STX8: variants seen among roughly 807,000 people sequenced by gnomAD.
STX8 encodes the protein syntaxin 8.
STX8 carries 23 observed loss-of-function variants against 37.5 expected under a neutral mutation model. The ratio of observed to expected loss-of-function variants is 0.61; its 90% CI spans 0.44 to 0.87. The LOEUF (loss-of-function observed/expected upper bound fraction) is 0.87, where lower values mean the gene tolerates loss of function less well. Among genes scored for constraint, STX8 ranks in the 40% least tolerant of loss-of-function variants. The pLI is 0.00. For missense variants in STX8, 313 were observed against 284.7 expected (o/e 1.10, Z -0.71); for synonymous variants, 115 against 99.1 (o/e 1.16, Z -0.95).
At chr17:9,463,648 C>T (rs1475966561) in intron 6 of STX8, among the ~76,000 whole-genome samples, 2 of 152,152 alleles carry the variant, frequency 1.3e-5, no homozygotes, top group Non-Finnish European at 2.9e-5. Flanking sequence ...TGGCTGATGC[C>T]TGTAATCCCA....
In STX8 at chr17:9,276,878, C is replaced by T. The variant is rs570711849; in HGVS notation, c.644-26233G>A. Among the ~76,000 whole-genome samples, 21 of 151,988 alleles carry T rather than the reference C, an allele frequency of 1.4e-4. 1 individual carries two copies. Among genetic ancestry groups the T allele is most frequent in the African/African-American group, 2.2e-4 (9 of 41,402 alleles). On this transcript the variant is annotated intron_variant, in intron 7 of 7. Coordinates refer to ENST00000306357, the MANE Select transcript of STX8 (RefSeq NM_004853.3). ...GTCTCGAACTCCTGATCTCGTGATC[C>T]GCCCGCCTCGGCCTCCCAAAGTGCT...
intron 4 of STX8, among the ~76,000 whole-genome samples, chr17:9,529,617 G>GT (rs1051895774): frequency 4.6e-5 from 7 of 152,140 alleles, no homozygotes; most frequent in African/African-American, 1.7e-4. Context: ...TTATAACACT[G>GT]TAAGTCTCAC....
At chr17:9,536,709 G>A (rs1287536124) in intron 4 of STX8, among the ~76,000 whole-genome samples, 1 of 151,516 alleles carries the variant, frequency 6.6e-6, no homozygotes, top group African/African-American at 2.4e-5. Flanking sequence ...TCCCCTTCCT[G>A]AGTAAACTCT....
rs574570379 is a variant in STX8 at position 9,478,574 on chromosome 17, A to G, written c.541+13255T>C. The stretch of plus-strand genomic sequence containing the variant: ...TTCCTGACTGAGACTATTGATTGTG[A>G]CTAAAAAAACAAAGTCCTTCCTAGA... On this transcript the variant is annotated intron_variant, in intron 6 of 7. Transcript: ENST00000306357. 3.7e-4 allele frequency among the ~76,000 whole-genome samples: 57 copies of G among 152,278 alleles called. No individual in the cohort carries two copies. The South Asian group carries it at 6.2e-3, about 17-fold the overall frequency.
chr17:9,475,193 G>C (rs1429614887), intron 6 of STX8, among the ~76,000 whole-genome samples: 2 of 152,142 alleles, frequency 1.3e-5, no homozygotes, highest in East Asian at 3.9e-4. Context: ...TAAATCCATG[G>C]TGGCACTGAA....
intron 7 of STX8, among the ~76,000 whole-genome samples, chr17:9,371,014 C>T (rs569685177): frequency 4.6e-5 from 7 of 151,836 alleles, no homozygotes; most frequent in African/African-American, 9.7e-5. Flanking sequence ...ACAAAAATCT[C>T]GGTAAAAATT....
In STX8 at chr17:9,447,145, T is replaced by C. The variant is rs554294157; in HGVS notation, c.541+44684A>G. 5.3e-5 allele frequency among the ~76,000 whole-genome samples: 8 copies of C among 152,326 alleles called. No individual in the cohort carries two copies. In the South Asian group the frequency reaches 1.5e-3, roughly 28 times the overall value. ...TGTCTCAGTAAAGAGGGGTGATTTC[T>C]TTGGGGCCTATATTATATTGGCAGT... is the stretch of plus-strand genomic sequence containing the variant. On this transcript the variant is annotated intron_variant, in intron 6 of 7. Coordinates refer to ENST00000306357, the MANE Select transcript of STX8 (RefSeq NM_004853.3).
intron 7 of STX8, among the ~76,000 whole-genome samples, chr17:9,360,658 A>G (rs1010999156): frequency 2.0e-4 from 25 of 126,326 alleles, no homozygotes; most frequent in African/African-American, 7.6e-4. Flanking sequence ...AATATTTATT[A>G]GTGTTAAAAA....
At chr17:9,345,770 T>A (rs974989508) in intron 7 of STX8, among the ~76,000 whole-genome samples, 9 of 151,018 alleles carry the variant, frequency 6.0e-5, no homozygotes, top group Non-Finnish European at 8.8e-5. Context: ...GTATCCCTTA[T>A]CCAAAATGCT....
intron 7 of STX8, among the ~76,000 whole-genome samples, chr17:9,332,298 CAG>C (rs755038547): frequency 2.0e-5 from 3 of 152,176 alleles, no homozygotes; most frequent in Non-Finnish European, 4.4e-5. Flanking sequence ...GAGAATGACT[CAG>C]AGGCAGAGAT....
intron 7 of STX8, among the ~76,000 whole-genome samples, chr17:9,369,651 G>A (rs1370113807): frequency 2.6e-5 from 4 of 152,064 alleles, no homozygotes; most frequent in Admixed American, 6.5e-5. Context: ...CAGCACTTTG[G>A]GAGGCTGAGG....
At chr17:9,412,047 T>TAAATATTA (rs1202307806) in intron 6 of STX8, among the ~76,000 whole-genome samples, 1 of 152,146 alleles carries the variant, frequency 6.6e-6, no homozygotes. Context: ...ATTATTCAAT[T>TAAATATTA]AAATATTAAA....
chr17:9,490,078 G>A (rs532606440), intron 6 of STX8, among the ~76,000 whole-genome samples: 47 of 152,296 alleles, frequency 3.1e-4, no homozygotes, highest in African/African-American at 4.6e-4. Flanking sequence ...TAGCCTGTTC[G>A]TGTTGGTACC....
Position 9,543,401 on chromosome 17 carries a change from C to T in STX8, c.323+1771G>A, listed in dbSNP as rs190499236. On this transcript the variant is annotated intron_variant, in intron 4 of 7. Coordinates refer to ENST00000306357, the MANE Select transcript of STX8 (RefSeq NM_004853.3). The stretch of plus-strand genomic sequence containing the variant: ...CTCCACCTCCCAGGTTCAAGCAATT[C>T]TCCTGCCTCAGCCTCCTGAGTAGCT... Among the ~76,000 whole-genome samples the T allele has an allele frequency of 1.3e-3, 190 of 151,884 alleles. 1 individual carries two copies. The highest frequency in any genetic ancestry group is 4.4e-3 in the African/African-American group (182 of 41,420).
chr17:9,346,543 T>C (rs1040142851), intron 7 of STX8, among the ~76,000 whole-genome samples: 6 of 152,326 alleles, frequency 3.9e-5, no homozygotes, highest in Middle Eastern at 3.4e-3. Flanking sequence ...GTCACTGTTC[T>C]TGACAAAACT....
At chr17:9,320,332 C>CAAA (rs1167812989) in intron 7 of STX8, among the ~76,000 whole-genome samples, 1 of 83,244 alleles carries the variant, frequency 1.2e-5, no homozygotes, top group Non-Finnish European at 2.7e-5. Flanking sequence ...GACTCCATCT[C>CAAA]AAAAAAAAAA....
intron 6 of STX8, among the ~76,000 whole-genome samples, chr17:9,487,091 A>T (rs983340693): frequency 2.6e-5 from 4 of 152,174 alleles, no homozygotes; most frequent in Non-Finnish European, 5.9e-5. Context: ...GGTCACTGGC[A>T]TAGGAACAGG....
intron 6 of STX8, among the ~76,000 whole-genome samples, chr17:9,452,963 G>A (rs535805337): frequency 1.8e-4 from 28 of 152,012 alleles, no homozygotes; most frequent in African/African-American, 6.3e-4. Flanking sequence ...CCACCACCAC[G>A]CCCAGCTAAT....
chr17:9,554,394 AAG>A (rs1245039014), intron 3 of STX8: 1 of 152,166 alleles, frequency 6.6e-6, no homozygotes, highest in Non-Finnish European at 1.5e-5. Context: ...TTTCTTTGTA[AAG>A]AAGAGAAGGA....
Sources: gnomAD v4.1 joint callset for allele counts (sites outside exome capture counted in the v4.1 genomes callset) on GRCh38, gnomAD v4.1.1 for gene constraint, MANE v1.5 for transcripts, NCBI Gene and HGNC (gene_info 2026-07-23, HGNC 2026-07-21) for gene names.